GPRIN1: variants seen among roughly 807,000 people sequenced by gnomAD.
GPRIN1 encodes the protein G protein regulated inducer of neurite outgrowth 1.
A neutral mutation model predicts 2.8 loss-of-function variants in GPRIN1; 4 were observed. That is an observed-to-expected ratio of 1.45 (90% confidence interval 0.71 to 3.32). The LOEUF (loss-of-function observed/expected upper bound fraction) is 3.32. Among genes scored for constraint, GPRIN1 ranks in the 30% most tolerant of loss-of-function variants. The probability of loss-of-function intolerance (pLI) is 0.01; values close to 1 mark genes in which losing one functional copy is unlikely to be tolerated. For synonymous variants in GPRIN1, 589 were observed against 589.9 expected (o/e 1.00, Z 0.02); for missense variants, 1,322 against 1,343.4 (o/e 0.98, Z 0.25).
Position 176,598,318 on chromosome 5 carries a change from G to T in GPRIN1, c.1517C>A (p.Pro506Gln). The change falls in exon 2 of 2, where the codon CCA becomes CAA. Residue 506 changes from proline (P) to glutamine (Q), a missense_variant. Coordinates refer to ENST00000303991, the MANE Select transcript of GPRIN1 (RefSeq NM_052899.3). ...DPRSLGTAGPPSAVKAEPATG... is the reference protein window; with the variant it reads ...DPRSLGTAGPQSAVKAEPATG... ...CGCTGGCTCAGCCTTTACTGCAGATGGGGGACCTGCTGTCCCCAAGGACCT... is the reference window on the plus strand; with the variant it reads ...CGCTGGCTCAGCCTTTACTGCAGATTGGGGACCTGCTGTCCCCAAGGACCT... 6.2e-7 allele frequency: 1 copy of T among 1,613,648 alleles called. No individual in the cohort carries two copies. The highest frequency in any genetic ancestry group is 2.2e-5 in the East Asian group (1 of 44,884).
chr5:176,609,664 G>A (rs1040851769), intron 1 of GPRIN1, among the ~76,000 whole-genome samples: 2 of 152,040 alleles, frequency 1.3e-5, no homozygotes, highest in East Asian at 3.9e-4. Flanking sequence ...CGGCCATGCC[G>A]AACAAAGCCA....
intron 1 of GPRIN1, among the ~76,000 whole-genome samples, chr5:176,604,601 T>C (rs1049299904): frequency 2.0e-5 from 3 of 152,140 alleles, no homozygotes; most frequent in Admixed American, 6.5e-5. Context: ...ACAATAGGAT[T>C]ATACCTAGCG....
chr5:176,597,555 G>A lies in GPRIN1; in HGVS notation c.2280C>T (p.Ala760=), dbSNP rs1289542618. 4.5e-6 allele frequency: 7 copies of A among 1,564,612 alleles called. No individual in the cohort carries two copies. The African/African-American group carries it at 5.4e-5, about 12-fold the overall frequency. The part of the protein sequence containing the change: ...PKAEPVSSTE[A]SSLGQKDLEA... Reference sequence around the variant, plus strand: ...CCAGGTCTTTCTGGCCGAGACTGGAGGCCTCGGTGCTGGACACGGGCTCGG... The same window carrying A: ...CCAGGTCTTTCTGGCCGAGACTGGAAGCCTCGGTGCTGGACACGGGCTCGG... Residue 760 remains alanine, a synonymous_variant, in exon 2 of 2, where the codon GCC becomes GCT. Coordinates refer to ENST00000303991, the MANE Select transcript of GPRIN1 (RefSeq NM_052899.3). This position sits in a 1 kb window ranked among gnomAD's most constrained non-coding sequence, Gnocchi z 6.1.
Position 176,598,690 on chromosome 5 carries a change from G to A in GPRIN1, c.1145C>T (p.Ser382Leu), listed in dbSNP as rs779419294. Residue 382 changes from serine (S) to leucine (L), a missense_variant, in exon 2 of 2, where the codon TCA becomes TTA. Ser to Leu is a moderately radical substitution (Grantham distance 145). Around this residue, in one of 3 missense-constraint regions of GPRIN1, gnomAD observed 1,117 missense variants for 1,128.6 expected, o/e 0.99. Coordinates refer to ENST00000303991, the MANE Select transcript of GPRIN1 (RefSeq NM_052899.3). Reference protein sequence around the residue: ...RFLGKMDPASSGEGRPVSGHT... With the variant: ...RFLGKMDPASLGEGRPVSGHT... Reference sequence around the variant, plus strand: ...GCCAGACACAGGACGCCCCTCTCCTGAGGAGGCAGGGTCCATCTTTCCCAG... The same window carrying A: ...GCCAGACACAGGACGCCCCTCTCCTAAGGAGGCAGGGTCCATCTTTCCCAG... 1 of 1,614,100 alleles carries A rather than the reference G, an allele frequency of 6.2e-7. No homozygotes were observed. The highest frequency in any genetic ancestry group is 8.5e-7 in the Non-Finnish European group (1 of 1,180,022).
rs1013658129 is a variant in GPRIN1, at chr5:176,596,776, T to A, written c.*32A>T. The A allele has an allele frequency of 3.6e-6, 5 of 1,401,474 alleles. No homozygotes were observed. The African/African-American group carries it at 6.0e-5, about 17-fold the overall frequency. The allele number at this position is 1,401,474 out of a possible 1,614,324, so 86.8% of individuals were successfully genotyped here. On this transcript the variant is annotated 3_prime_UTR_variant, in exon 2 of 2. Coordinates refer to ENST00000303991, the MANE Select transcript of GPRIN1 (RefSeq NM_052899.3). The surrounding 1 kb of genome is among the most constrained non-coding windows in gnomAD (Gnocchi z 5.2). ...TGATCAAGAAGGGAGCCTGAGAAGG[T>A]CGGAAACTCGGGCGTACAAAATGGG...
chr5:176,599,222 T>C lies in GPRIN1; in HGVS notation c.613A>G (p.Thr205Ala), dbSNP rs750046392. 1.7e-5 allele frequency: 28 copies of C among 1,613,446 alleles called. No homozygotes were observed. Among genetic ancestry groups the C allele is most frequent in the Non-Finnish European group, 2.2e-5 (26 of 1,179,922 alleles). The change falls in exon 2 of 2, where the codon ACT (threonine) becomes GCT (alanine). Residue 205 changes from threonine (T) to alanine (A), a missense_variant. Thr to Ala is a moderately conservative substitution (Grantham distance 58). Around this residue, in one of 3 missense-constraint regions of GPRIN1, gnomAD observed 1,117 missense variants for 1,128.6 expected, o/e 0.99. Transcript: ENST00000303991. ...PVAPGRMDPM[T>A]VRKEDLGSLG... ...GATCCAAGATCTTCCTTTCTTACAG[T>C]CATGGGATCCATCCTTCCAGGAGCC... is the stretch of plus-strand genomic sequence containing the variant.
intron 1 of GPRIN1, among the ~76,000 whole-genome samples, chr5:176,600,871 G>A (rs1324742510): frequency 2.0e-5 from 3 of 152,112 alleles, no homozygotes; most frequent in Non-Finnish European, 4.4e-5. Flanking sequence ...AGCCAAGATC[G>A]TGCCACTGCA....
rs201350408 is a variant in GPRIN1, at chr5:176,597,899, C to T, written c.1936G>A (p.Glu646Lys). The change falls in exon 2 of 2, where the codon GAG (glutamate) becomes AAG (lysine). Residue 646 changes from glutamate to lysine, a missense_variant. Transcript: ENST00000303991. The surrounding 1 kb of genome is among the most constrained non-coding windows in gnomAD (Gnocchi z 6.1). ...GCTTCCCCTGGTGCTGCAGCGCCCT[C>T]TTGCCCAGGGAGCTTTGTTTCTGCT... ...GKAETKLPGQEGAAAPGEAGA... is the reference protein window; with the variant it reads ...GKAETKLPGQKGAAAPGEAGA... 6.2e-7 allele frequency: 1 copy of T among 1,613,868 alleles called. No individual in the cohort carries two copies. The highest frequency in any genetic ancestry group is 2.2e-5 in the East Asian group (1 of 44,872).
chr5:176,599,226 G>A lies in GPRIN1; in HGVS notation c.609C>T (p.Pro203=). Reference sequence around the variant, plus strand: ...CAAGATCTTCCTTTCTTACAGTCATGGGATCCATCCTTCCAGGAGCCACAG... The same window carrying A: ...CAAGATCTTCCTTTCTTACAGTCATAGGATCCATCCTTCCAGGAGCCACAG... ...GDPVAPGRMD[P]MTVRKEDLGS... The change falls in exon 2 of 2, where the codon CCC becomes CCT. Residue 203 remains proline (P), a synonymous_variant. Transcript: ENST00000303991. 6.2e-7 allele frequency: 1 copy of A among 1,613,666 alleles called. No individual in the cohort carries two copies. Among genetic ancestry groups the A allele is most frequent in the South Asian group, 1.1e-5 (1 of 91,068 alleles).
rs1759057158 is a variant in GPRIN1 at position 176,597,338 on chromosome 5, C to T, written c.2497G>A (p.Asp833Asn). 2 of 1,247,904 alleles carry T rather than the reference C, an allele frequency of 1.6e-6. No individual in the cohort carries two copies. The highest frequency in any genetic ancestry group is 2.0e-6 in the Non-Finnish European group (2 of 998,454). The allele number at this position is 1,247,904 out of a possible 1,614,324, so 77.3% of individuals were successfully genotyped here. ...CTGAAGGCCGAGCCCCCAGCGCCGT[C>T]CTGCGGAGACATGGGGCTCACGGCC... ...SVAVSPMSPQ[D>N]GAGGSAFSFQ... The change falls in exon 2 of 2, where the codon GAC (aspartate) becomes AAC (asparagine). Residue 833 changes from aspartate (D) to asparagine (N), a missense_variant. By Grantham distance (23) the Asp-to-Asn change is conservative (BLOSUM62 1). This residue lies in a region of GPRIN1 where 1,117 missense variants were observed against 1,128.6 expected (regional missense o/e 0.99). Transcript: ENST00000303991. The surrounding 1 kb of genome is among the most constrained non-coding windows in gnomAD (Gnocchi z 6.1).
rs1561889315 is a variant in GPRIN1, at chr5:176,607,901, CTCTTT to C, written c.-44+2093_-44+2097del. On this transcript the variant is annotated intron_variant, in intron 1 of 1. Transcript: ENST00000303991. Reference sequence around the variant, plus strand: ...TAAGATCGTGGACACTGACACTTGGCTCTTTTTTTTTTTTTTTTTTTTTTTTTTTT... The same window carrying C: ...TAAGATCGTGGACACTGACACTTGGCTTTTTTTTTTTTTTTTTTTTTTTTT... Among the ~76,000 whole-genome samples, 56 of 95,926 alleles carry C rather than the reference CTCTTT, an allele frequency of 5.8e-4. 2 individuals carry two copies. Among genetic ancestry groups the C allele is most frequent in the African/African-American group, 1.8e-3 (48 of 26,600 alleles). 62.9% of individuals were successfully genotyped at this position (95,926 alleles called of 152,430 possible).
Position 176,597,098 on chromosome 5 carries a change from C to G in GPRIN1, c.2737G>C (p.Val913Leu). The change falls in exon 2 of 2, where the codon GTG becomes CTG. Residue 913 changes from valine to leucine, a missense_variant. Physicochemically the swap from Val to Leu is conservative, Grantham distance 32. Coordinates refer to ENST00000303991, the MANE Select transcript of GPRIN1 (RefSeq NM_052899.3). This position sits in a 1 kb window ranked among gnomAD's most constrained non-coding sequence, Gnocchi z 6.1. ...PPEPAEPVRD[V>L]SWDEKGMTWE... is the part of the protein sequence containing the mutation. ...GTCATGCCCTTCTCGTCCCAGCTCA[C>G]GTCTCGCACGGGCTCAGCCGGCTCC... 1 of 1,489,370 alleles carries G rather than the reference C, an allele frequency of 6.7e-7. No individual in the cohort carries two copies. Among genetic ancestry groups the G allele is most frequent in the Non-Finnish European group, 9.0e-7 (1 of 1,116,330 alleles). 92.3% of individuals were successfully genotyped at this position (1,489,370 alleles called of 1,614,324 possible).
chr5:176,609,789 C>T (rs1231313143), intron 1 of GPRIN1, among the ~76,000 whole-genome samples: 1 of 148,854 alleles, frequency 6.7e-6, no homozygotes, highest in Non-Finnish European at 1.5e-5. Context: ...CCCCGCCCCG[C>T]CCCGCCCCGC....
rs933585251 is a variant in GPRIN1 at position 176,598,796 on chromosome 5, G to A, written c.1039C>T (p.Pro347Ser). ...GAPGSLGRLDPTCLGMADPAS... is the reference protein window; with the variant it reads ...GAPGSLGRLDSTCLGMADPAS... Reference sequence around the variant, plus strand: ...GGATCTGCCATCCCCAAGCATGTGGGATCCAGCCTTCCCAAGGACCCAGGA... The same window carrying A: ...GGATCTGCCATCCCCAAGCATGTGGAATCCAGCCTTCCCAAGGACCCAGGA... The change falls in exon 2 of 2, where the codon CCC becomes TCC. Residue 347 changes from proline to serine, a missense_variant. Transcript: ENST00000303991. The A allele has an allele frequency of 2.5e-6, 4 of 1,613,640 alleles. No homozygotes were observed. Among genetic ancestry groups the A allele is most frequent in the Admixed American group, 3.3e-5 (2 of 60,006 alleles).
Position 176,598,838 on chromosome 5 carries a change from A to G in GPRIN1, c.997T>C (p.Ser333Pro), listed in dbSNP as rs759397556. Residue 333 changes from serine (S) to proline (P), a missense_variant, in exon 2 of 2, where the codon TCC becomes CCC. This residue lies in a region of GPRIN1 where 1,117 missense variants were observed against 1,128.6 expected (regional missense o/e 0.99). Coordinates refer to ENST00000303991, the MANE Select transcript of GPRIN1 (RefSeq NM_052899.3). ...PGSSGKNGPV[S>P]SGTGAPGSLG... is the part of the protein sequence containing the mutation. ...GACCCAGGAGCCCCGGTCCCAGAGG[A>G]TACAGGCCCATTCTTGCCTGATGAG... The G allele has an allele frequency of 5.0e-6, 8 of 1,613,544 alleles. No homozygotes were observed.
rs1283781521 is a variant in GPRIN1 at position 176,599,684 on chromosome 5, T to G, written c.151A>C (p.Lys51Gln). The change falls in exon 2 of 2, where the codon AAG (lysine) becomes CAG (glutamine). Residue 51 changes from lysine (K) to glutamine (Q), a missense_variant. Transcript: ENST00000303991. ...TGCCTGGGGGGTGCAGGGCTTGCCT[T>G]TTGCTGGGAGGGGCAGTAATCCCTC... is the stretch of plus-strand genomic sequence containing the variant. The part of the protein sequence containing the change: ...AMRDYCPSQQ[K>Q]ASPAPPRHTP... The G allele has an allele frequency of 1.3e-6, 2 of 1,570,464 alleles. No homozygotes were observed. Among genetic ancestry groups the G allele is most frequent in the Non-Finnish European group, 8.6e-7 (1 of 1,156,508 alleles).
Position 176,597,055 on chromosome 5 carries a change from G to A in GPRIN1, c.2780C>T (p.Ala927Val). ...GCCCAGCACCTCCACCTCCATGGCG[G>A]CGCCGTATACCTCCCACGTCATGCC... ...EKGMTWEVYGAAMEVEVLGMA... is the reference protein window; with the variant it reads ...EKGMTWEVYGVAMEVEVLGMA... Residue 927 changes from alanine to valine, a missense_variant, in exon 2 of 2, where the codon GCC (alanine) becomes GTC (valine). By Grantham distance (64) the Ala-to-Val change is moderately conservative. Transcript: ENST00000303991. The surrounding 1 kb of genome is among the most constrained non-coding windows in gnomAD (Gnocchi z 6.1). 1.3e-6 allele frequency: 2 copies of A among 1,507,936 alleles called. No individual in the cohort carries two copies. The highest frequency in any genetic ancestry group is 1.2e-5 in the South Asian group (1 of 80,506). 93.4% of individuals were successfully genotyped at this position (1,507,936 alleles called of 1,614,324 possible).
At chr5:176,606,137 G>A (rs1244523693) in intron 1 of GPRIN1, among the ~76,000 whole-genome samples, 6 of 152,280 alleles carry the variant, frequency 3.9e-5, no homozygotes, top group Admixed American at 1.3e-4. Context: ...TTCAAGCAAC[G>A]CCCTTCTCCT....
At chr5:176,601,990 C>A (rs529448347) in intron 1 of GPRIN1, among the ~76,000 whole-genome samples, 1 of 152,286 alleles carries the variant, frequency 6.6e-6, no homozygotes, top group South Asian at 2.1e-4. Flanking sequence ...TCTCCCCATC[C>A]CATGCAAAGT....
Sources: allele counts gnomAD v4.1 joint callset (sites outside exome capture counted in the v4.1 genomes callset), GRCh38; gene constraint gnomAD v4.1.1; regional missense constraint gnomAD v4.1.1; non-coding constraint Gnocchi (gnomAD v3.1); transcripts MANE v1.5; gene names NCBI Gene and HGNC (gene_info 2026-07-23, HGNC 2026-07-21).